LUZP2: variants seen among roughly 807,000 people sequenced by gnomAD.
LUZP2 encodes leucine zipper protein 2.
Under a neutral mutation model 51.6 loss-of-function variants are expected in LUZP2, and 52 were observed. The ratio of observed to expected loss-of-function variants is 1.01; its 90% confidence interval spans 0.81 to 1.27. The LOEUF (loss-of-function observed/expected upper bound fraction) is 1.27. Ranked by LOEUF, LUZP2 falls within the 50% of genes most tolerant of loss-of-function variation. The pLI, the probability that LUZP2 is intolerant of heterozygous loss-of-function variation, is 0.00. For missense variants in LUZP2, 436 were observed against 395.4 expected (o/e 1.10, Z -0.87); for synonymous variants, 154 against 137.3 (o/e 1.12, Z -0.85).
At chr11:25,067,023 A>G (rs1859015827) in intron 10 of LUZP2, among the ~76,000 whole-genome samples, 1 of 152,016 alleles carries the variant, frequency 6.6e-6, no homozygotes, top group African/African-American at 2.4e-5. Context: ...TGGTGAGTAC[A>G]TGTAAAGGGA....
intron 5 of LUZP2, among the ~76,000 whole-genome samples, chr11:24,820,671 A>G (rs1402313793): frequency 1.3e-5 from 2 of 152,128 alleles, no homozygotes; most frequent in African/African-American, 2.4e-5. Context: ...GACTCACTGG[A>G]AAAGGAAATA....
intron 4 of LUZP2, among the ~76,000 whole-genome samples, chr11:24,746,960 A>G (rs1859405064): frequency 6.6e-6 from 1 of 152,054 alleles, no homozygotes. Flanking sequence ...CACTTCTTGT[A>G]TCACTTTTTG....
At chr11:24,555,723 C>G (rs974042351) in intron 1 of LUZP2, among the ~76,000 whole-genome samples, 2 of 152,174 alleles carry the variant, frequency 1.3e-5, no homozygotes, top group Non-Finnish European at 2.9e-5. Flanking sequence ...TGCCTGTAAT[C>G]CCAGCATGTT....
chr11:24,675,523 AACT>A (rs1331694028), intron 1 of LUZP2, among the ~76,000 whole-genome samples: 1 of 152,146 alleles, frequency 6.6e-6, no homozygotes, highest in Non-Finnish European at 1.5e-5. Context: ...TTCAAAATAG[AACT>A]GTCATGGTTA....
chr11:24,516,105 AT>A (rs142714842), intron 1 of LUZP2, among the ~76,000 whole-genome samples: 17,442 of 150,364 alleles, frequency 0.12, 1,169 homozygotes, highest in African/African-American at 0.19. Context: ...CTTATAGTAG[AT>A]TTTTTTTTTC....
At chr11:25,046,480 C>A (rs1460416056) in intron 9 of LUZP2, among the ~76,000 whole-genome samples, 1 of 151,810 alleles carries the variant, frequency 6.6e-6, no homozygotes, top group South Asian at 2.1e-4. Flanking sequence ...CAGTACTGAC[C>A]CTAATTTTAC....
chr11:24,687,108 T>C (rs1417527021), intron 1 of LUZP2, among the ~76,000 whole-genome samples: 1 of 152,174 alleles, frequency 6.6e-6, no homozygotes, highest in East Asian at 1.9e-4. Context: ...TTGGTCTGTT[T>C]TAAACAAAAA....
intron 9 of LUZP2, among the ~76,000 whole-genome samples, chr11:25,011,788 G>A (rs1856992098): frequency 6.6e-6 from 1 of 151,966 alleles, no homozygotes; most frequent in Non-Finnish European, 1.5e-5. Flanking sequence ...TCAAGTCAGG[G>A]TATTCGGGGC....
chr11:25,041,831 G>T (rs1011580673), intron 9 of LUZP2, among the ~76,000 whole-genome samples: 2 of 152,168 alleles, frequency 1.3e-5, no homozygotes, highest in African/African-American at 2.4e-5. Context: ...AGAAGCAGGT[G>T]AGCAAGCATT....
At chr11:25,021,523 C>T (rs1857332676) in intron 9 of LUZP2, among the ~76,000 whole-genome samples, 1 of 151,580 alleles carries the variant, frequency 6.6e-6, no homozygotes, top group Non-Finnish European at 1.5e-5. Flanking sequence ...TAGACAAAGA[C>T]ATAGGGACAG....
At chr11:24,767,689 G>A (rs1860244298) in intron 5 of LUZP2, among the ~76,000 whole-genome samples, 2 of 152,078 alleles carry the variant, frequency 1.3e-5, no homozygotes, top group Admixed American at 6.5e-5. Flanking sequence ...GTCTGGTCAA[G>A]GATTCTTCAG....
intron 1 of LUZP2, among the ~76,000 whole-genome samples, chr11:24,659,843 C>T (rs1451953967): frequency 6.6e-6 from 1 of 152,024 alleles, no homozygotes; most frequent in Admixed American, 6.6e-5. Flanking sequence ...TAAACCTGTT[C>T]TCCTTGAATA....
rs899197287 is a variant in LUZP2, at chr11:24,805,459, C to T, written c.396+42151C>T. On this transcript the variant is annotated intron_variant, in intron 5 of 11. Coordinates refer to ENST00000336930, the MANE Select transcript of LUZP2 (RefSeq NM_001009909.4). ...CAAACTCCTGACATCAAGTGATCTG[C>T]CTGCCTCAGTCATTGCGCCTGGCCA... is the stretch of plus-strand genomic sequence containing the variant. 2.0e-5 allele frequency among the ~76,000 whole-genome samples: 3 copies of T among 152,104 alleles called. No individual in the cohort carries two copies. In the East Asian group the frequency reaches 5.8e-4, roughly 29 times the overall value.
intron 1 of LUZP2, among the ~76,000 whole-genome samples, chr11:24,572,241 TA>T (rs1331147317): frequency 6.6e-6 from 1 of 151,990 alleles, no homozygotes; most frequent in Non-Finnish European, 1.5e-5. Context: ...TAGAACACTG[TA>T]AAAATTTATT....
chr11:24,520,330 CAG>C (rs564119762), intron 1 of LUZP2, among the ~76,000 whole-genome samples: 46 of 152,232 alleles, frequency 3.0e-4, no homozygotes, highest in Admixed American at 1.2e-3. Flanking sequence ...ACAGGAAAAA[CAG>C]GGAAGGATTT....
chr11:24,698,334 G>C (rs919323751), intron 1 of LUZP2, among the ~76,000 whole-genome samples: 2 of 152,116 alleles, frequency 1.3e-5, no homozygotes, highest in Non-Finnish European at 2.9e-5. Context: ...GAAATACTTT[G>C]AGCATCCCAG....
chr11:24,600,525 C>G (rs1853593825), intron 1 of LUZP2, among the ~76,000 whole-genome samples: 2 of 152,106 alleles, frequency 1.3e-5, no homozygotes, highest in African/African-American at 4.8e-5. Context: ...CTGGTTATTT[C>G]ATAGAGAGGA....
intron 5 of LUZP2, among the ~76,000 whole-genome samples, chr11:24,903,794 G>T (rs75650518): frequency 2.0e-5 from 3 of 152,156 alleles, no homozygotes; most frequent in African/African-American, 7.2e-5. Context: ...GCCACGAGGG[G>T]TTGGACTCAG....
chr11:24,658,954 C>T (rs949908268), intron 1 of LUZP2, among the ~76,000 whole-genome samples: 1 of 152,148 alleles, frequency 6.6e-6, no homozygotes, highest in Non-Finnish European at 1.5e-5. Context: ...GAAATAGGAA[C>T]ACTTTTATAC....
Sources: gnomAD v4.1 joint callset for allele counts (sites outside exome capture counted in the v4.1 genomes callset) on GRCh38, gnomAD v4.1.1 for gene constraint, MANE v1.5 for transcripts, NCBI Gene and HGNC (gene_info 2026-07-23, HGNC 2026-07-21) for gene names.